CLASP1: variants seen among roughly 807,000 people sequenced by gnomAD.
CLASP1 encodes the protein CLIP-associating protein 1.
Under a neutral mutation model 192.3 loss-of-function variants are expected in CLASP1, and 38 were observed. That is an observed-to-expected ratio of 0.20 (90% CI 0.15 to 0.26). CLASP1 has a LOEUF of 0.26. Ranked by LOEUF, CLASP1 falls within the 10% of genes least tolerant of loss-of-function variation. The pLI is 1.00. For synonymous variants in CLASP1, 691 were observed against 712.8 expected, an observed-to-expected ratio of 0.97 and a Z score of 0.49; for missense variants, 1,433 against 1,932.5, an observed-to-expected ratio of 0.74 and a Z score of 4.85.
intron 2 of CLASP1, among the ~76,000 whole-genome samples, chr2:121,577,772 A>T (rs2060669332): frequency 6.6e-6 from 1 of 152,316 alleles, no homozygotes; most frequent in South Asian, 2.1e-4. Context: ...GCATATAACT[A>T]GATATTCAAA....
intron 9 of CLASP1, among the ~76,000 whole-genome samples, chr2:121,468,810 T>TG (rs1443416413): frequency 6.6e-6 from 1 of 152,094 alleles, no homozygotes; most frequent in Non-Finnish European, 1.5e-5. Flanking sequence ...TTTAGCTCAG[T>TG]GAAGTTCGTT....
chr2:121,568,657 A>G (rs1008547233), intron 2 of CLASP1, among the ~76,000 whole-genome samples: 1 of 151,882 alleles, frequency 6.6e-6, no homozygotes, highest in East Asian at 1.9e-4. Flanking sequence ...AAAATGTACT[A>G]GATATTTCAA....
intron 1 of CLASP1, among the ~76,000 whole-genome samples, chr2:121,616,311 G>C (rs1216448373): frequency 6.6e-6 from 1 of 152,098 alleles, no homozygotes; most frequent in Non-Finnish European, 1.5e-5. Flanking sequence ...GCCAGGCATG[G>C]TGGCAGGCGC....
intron 20 of CLASP1, 130 bp from the exon 21 acceptor site, chr2:121,427,560 T>C: frequency 1.2e-6 from 1 of 863,948 alleles, no homozygotes; most frequent in Non-Finnish European, 1.9e-6. Context: ...ACAGCTATAT[T>C]TCCTAGGACT....
intron 1 of CLASP1, among the ~76,000 whole-genome samples, chr2:121,614,135 C>A (rs1418409310): frequency 6.6e-6 from 1 of 152,172 alleles, no homozygotes; most frequent in Non-Finnish European, 1.5e-5. Context: ...ACCTGGGATC[C>A]ACAGTTTGCA....
At chr2:121,501,045 A>G (rs1469423118) in intron 8 of CLASP1, among the ~76,000 whole-genome samples, 1 of 152,144 alleles carries the variant, frequency 6.6e-6, no homozygotes, top group Non-Finnish European at 1.5e-5. Flanking sequence ...CCTATTTGTC[A>G]CATCACTGGA....
intron 8 of CLASP1, among the ~76,000 whole-genome samples, chr2:121,480,084 C>T (rs2150072224): frequency 6.6e-6 from 1 of 152,252 alleles, no homozygotes; most frequent in East Asian, 1.9e-4. Flanking sequence ...AAGACGATCT[C>T]AACAATGACA....
chr2:121,382,407 T>C (rs2071925172), intron 32 of CLASP1, 83 bp from the exon 34 acceptor site: 2 of 769,726 alleles, frequency 2.6e-6, no homozygotes, highest in Admixed American at 3.2e-5. Flanking sequence ...ACACACTAAG[T>C]GTCTTAGTCT....
chr2:121,478,915 C>A (rs1179257412), intron 8 of CLASP1, among the ~76,000 whole-genome samples: 8 of 40,202 alleles, frequency 2.0e-4, no homozygotes, highest in African/African-American at 8.9e-4. Context: ...CCACACACAC[C>A]ACACACACAC....
intron 2 of CLASP1, among the ~76,000 whole-genome samples, chr2:121,566,653 A>G (rs929691185): frequency 6.6e-6 from 1 of 152,230 alleles, no homozygotes; most frequent in Non-Finnish European, 1.5e-5. Context: ...CATGTCTTAA[A>G]TTACTTTCAG....
intron 8 of CLASP1, among the ~76,000 whole-genome samples, chr2:121,476,857 T>C (rs188560483): frequency 6.6e-6 from 1 of 152,340 alleles, no homozygotes; most frequent in Non-Finnish European, 1.5e-5. Flanking sequence ...AAGAGGAAGC[T>C]GCACAGAGAC....
At chr2:121,519,070 G>A (rs1304425720) in intron 6 of CLASP1, among the ~76,000 whole-genome samples, 5 of 152,044 alleles carry the variant, frequency 3.3e-5, no homozygotes, top group South Asian at 2.1e-4. Context: ...GGCCATAAAC[G>A]TTTAAGAGAT....
exon 12 of CLASP1, chr2:121,460,058 C>T (rs1400137238): frequency 2.5e-6 from 4 of 1,613,406 alleles, no homozygotes; most frequent in Non-Finnish European, 3.4e-6. Context: ...ATCCAAAAGA[C>T]GCAAATGTTG....
At chr2:121,524,226 C>T (rs2094521360) in intron 6 of CLASP1, among the ~76,000 whole-genome samples, 2 of 152,170 alleles carry the variant, frequency 1.3e-5, no homozygotes, top group South Asian at 4.1e-4. Flanking sequence ...TAGAGCACTC[C>T]ATGTGGCGGC....
intron 31 of CLASP1, 104 bp from the exon 33 acceptor site, chr2:121,387,332 C>G: frequency 1.2e-6 from 1 of 819,574 alleles, no homozygotes; most frequent in Non-Finnish European, 1.8e-6. Context: ...TGGGTAGAAT[C>G]TGCCCAGGAT....
intron 2 of CLASP1, among the ~76,000 whole-genome samples, chr2:121,579,403 G>T (rs2060895209): frequency 6.6e-6 from 1 of 152,156 alleles, no homozygotes; most frequent in Non-Finnish European, 1.5e-5. Flanking sequence ...ATATGCACAG[G>T]TTGTGCAGCC....
At chr2:121,572,970 T>C (rs2060118792) in intron 2 of CLASP1, among the ~76,000 whole-genome samples, 1 of 152,198 alleles carries the variant, frequency 6.6e-6, no homozygotes, top group African/African-American at 2.4e-5. Flanking sequence ...CAGTTTTGTT[T>C]TGTTTTTAAG....
chr2:121,536,549 A>G (rs1452463382), intron 2 of CLASP1, among the ~76,000 whole-genome samples: 2 of 152,170 alleles, frequency 1.3e-5, no homozygotes, highest in African/African-American at 4.8e-5. Context: ...GAAACAACTG[A>G]AGTGTTGATT....
intron 37 of CLASP1, among the ~76,000 whole-genome samples, chr2:121,353,522 C>A (rs2064877262): frequency 6.6e-6 from 1 of 152,202 alleles, no homozygotes; most frequent in Non-Finnish European, 1.5e-5. Context: ...CCCTGCCCAG[C>A]CACATCTCTA....
Sources: allele counts gnomAD v4.1 joint callset (sites outside exome capture counted in the v4.1 genomes callset), GRCh38; gene constraint gnomAD v4.1.1; transcripts MANE v1.5; gene names NCBI Gene and HGNC (gene_info 2026-07-23, HGNC 2026-07-21).